EDARADD: variants seen among roughly 807,000 people sequenced by gnomAD.
EDARADD encodes EDAR associated via death domain.
EDARADD carries 20 observed loss-of-function variants against 25.6 expected under a neutral mutation model. That is an observed-to-expected ratio of 0.78 (90% CI 0.55 to 1.14). The LOEUF (loss-of-function observed/expected upper bound fraction) is 1.14, where lower values mean the gene tolerates loss of function less well. Ranked by LOEUF, EDARADD falls within the 50% of genes most tolerant of loss-of-function variation. The pLI, the probability that EDARADD is intolerant of heterozygous loss-of-function variation, is 0.00. For synonymous variants in EDARADD, 86 were observed against 94.4 expected (o/e 0.91, Z 0.52); for missense variants, 225 against 270.1 (o/e 0.83, Z 1.17).
At chr1:236,479,585 CT>C (rs1002565290) in intron 5 of EDARADD, among the ~76,000 whole-genome samples, 13 of 150,546 alleles carry the variant, frequency 8.6e-5, no homozygotes, top group African/African-American at 3.2e-4. Flanking sequence ...AGTCTTTAGA[CT>C]TTTTTTTTGC....
intron 3 of EDARADD, among the ~76,000 whole-genome samples, chr1:236,372,632 A>G (rs1374786858): frequency 6.6e-6 from 1 of 152,170 alleles, no homozygotes; most frequent in Admixed American, 6.5e-5. Context: ...GAGAATTGGT[A>G]TAATTTTCTT....
At chr1:236,371,567 A>C (rs201360586) in intron 3 of EDARADD, among the ~76,000 whole-genome samples, 6 of 151,222 alleles carry the variant, frequency 4.0e-5, no homozygotes, top group East Asian at 3.9e-4. Flanking sequence ...GGTTTTATTA[A>C]GATTTTTTTT....
At chr1:236,391,929 C>T (rs1252959203), upstream of EDARADD, among the ~76,000 whole-genome samples, 1 of 152,164 alleles carries the variant, frequency 6.6e-6, no homozygotes, top group African/African-American at 2.4e-5. Context: ...TGGTCATGAC[C>T]AAGCCACTTT....
At chr1:236,445,235 T>C (rs1658500747) in intron 4 of EDARADD, among the ~76,000 whole-genome samples, 1 of 67,362 alleles carries the variant, frequency 1.5e-5, no homozygotes, top group East Asian at 2.5e-4. Flanking sequence ...TAATAAATTC[T>C]TTTTTTTTTT....
Position 236,419,588 on chromosome 1 carries a change from C to T in EDARADD, c.160+5289C>T, listed in dbSNP as rs111232062. Among the ~76,000 whole-genome samples the T allele has an allele frequency of 3.5e-3, 531 of 152,264 alleles. 1 individual carries two copies. The highest frequency in any genetic ancestry group is 0.012 in the African/African-American group (499 of 41,544). ...AGAATGTGGGGATGCTTGTCAACAACGCAGACTTCTGGGCCCCTGGAGATT... is the reference window on the plus strand; with the variant it reads ...AGAATGTGGGGATGCTTGTCAACAATGCAGACTTCTGGGCCCCTGGAGATT... On this transcript the variant is annotated intron_variant, in intron 3 of 5. Transcript: ENST00000334232.
At chr1:236,424,406 T>C (rs776239404) in intron 3 of EDARADD, among the ~76,000 whole-genome samples, 1 of 151,990 alleles carries the variant, frequency 6.6e-6, no homozygotes, top group Non-Finnish European at 1.5e-5. Context: ...CAAGCAACCC[T>C]CCCATCTTGG....
intron 3 of EDARADD, among the ~76,000 whole-genome samples, chr1:236,352,282 C>G (rs534544351): frequency 3.3e-4 from 51 of 152,302 alleles, no homozygotes; most frequent in South Asian, 8.3e-4. Flanking sequence ...CTCCTGATTT[C>G]TTGGAAGATC....
At chr1:236,355,500 C>CTTTTTTTTTTTT (rs563976436) in intron 3 of EDARADD, among the ~76,000 whole-genome samples, 3 of 73,170 alleles carry the variant, frequency 4.1e-5, no homozygotes, top group African/African-American at 5.2e-5. Flanking sequence ...GCTTCTTCTT[C>CTTTTTTTTTTTT]TTTTTTTTTT....
At chr1:236,377,675 T>C (rs1040742125) in intron 3 of EDARADD, among the ~76,000 whole-genome samples, 1 of 151,068 alleles carries the variant, frequency 6.6e-6, no homozygotes, top group Admixed American at 6.6e-5. Flanking sequence ...CTGGCCAACA[T>C]GGTGAAACCC....
At chr1:236,379,682 G>A (rs5008335) in intron 3 of EDARADD, among the ~76,000 whole-genome samples, 27,012 of 151,820 alleles carry the variant, frequency 0.18, 2,494 homozygotes, top group South Asian at 0.26. Context: ...GGGAGGCTGA[G>A]GCAGGAGAAT....
intron 3 of EDARADD, among the ~76,000 whole-genome samples, chr1:236,358,273 T>G (rs779235360): frequency 1.3e-5 from 2 of 152,268 alleles, no homozygotes; most frequent in Non-Finnish European, 2.9e-5. Flanking sequence ...GCTCAACTCA[T>G]TGGAATACTT....
At chr1:236,409,300 G>A (rs370449930) in intron 2 of EDARADD, 26 bp downstream of exon 2, 1 of 1,568,660 alleles carries the variant, frequency 6.4e-7, no homozygotes, top group Middle Eastern at 1.7e-4. Context: ...TACACTAATG[G>A]TGATAATTAT....
chr1:236,470,150 G>A (rs1473812367), intron 5 of EDARADD, among the ~76,000 whole-genome samples: 1 of 152,004 alleles, frequency 6.6e-6, no homozygotes. Flanking sequence ...AACATGAGCT[G>A]GTATCAGAAC....
intron 3 of EDARADD, among the ~76,000 whole-genome samples, chr1:236,385,703 GA>G (rs1157803449): frequency 6.9e-5 from 10 of 144,794 alleles, no homozygotes; most frequent in Admixed American, 3.6e-4. Context: ...CAGCTTGGGC[GA>G]CAAGAGCGAA....
At chr1:236,440,352 G>A (rs907306152) in intron 4 of EDARADD, among the ~76,000 whole-genome samples, 3 of 152,094 alleles carry the variant, frequency 2.0e-5, no homozygotes, top group African/African-American at 7.2e-5. Context: ...GCTATTCTGG[G>A]TCTTTTTGTC....
chr1:236,454,623 G>A (rs574447814), intron 4 of EDARADD, among the ~76,000 whole-genome samples: 2 of 152,198 alleles, frequency 1.3e-5, no homozygotes, highest in African/African-American at 2.4e-5. Flanking sequence ...TCTTAAAGCC[G>A]AAGGGAACCT....
intron 4 of EDARADD, among the ~76,000 whole-genome samples, chr1:236,466,440 A>ACACACAC (rs1553270444): frequency 0.11 from 14,268 of 124,308 alleles, 675 homozygotes; most frequent in Non-Finnish European, 0.14. Context: ...CTCTCTGATA[A>ACACACAC]ACACACACAC....
chr1:236,477,560 C>T (rs549685323), intron 5 of EDARADD, among the ~76,000 whole-genome samples: 15 of 152,166 alleles, frequency 9.9e-5, no homozygotes, highest in Non-Finnish European at 1.9e-4. Context: ...GGTGGAATTC[C>T]AGACAGGGGC....
At chr1:236,465,743 C>T (rs1571952689) in intron 4 of EDARADD, among the ~76,000 whole-genome samples, 2 of 152,082 alleles carry the variant, frequency 1.3e-5, no homozygotes, top group East Asian at 1.9e-4. Flanking sequence ...CTCAATAAAT[C>T]GGTGTTGAAT....
Sources: gnomAD v4.1 joint callset for allele counts (sites outside exome capture counted in the v4.1 genomes callset) on GRCh38, gnomAD v4.1.1 for gene constraint, MANE v1.5 for transcripts, NCBI Gene and HGNC (gene_info 2026-07-23, HGNC 2026-07-21) for gene names.